The following USP34 variants were observed in gnomAD, a reference collection of about 807,000 sequenced individuals.
USP34 encodes the protein ubiquitin specific peptidase 34.
Under a neutral mutation model 460.3 loss-of-function variants are expected in USP34, and 70 were observed. The ratio of observed to expected loss-of-function variants is 0.15; its 90% confidence interval spans 0.13 to 0.19. USP34 has a LOEUF of 0.19. USP34 is among the 10% of genes least tolerant of loss of function. The pLI is 1.00. For synonymous variants in USP34, 1,647 were observed against 1,405.3 expected, an observed-to-expected ratio of 1.17 and a Z score of -3.85; for missense variants, 3,985 against 4,236.2, an observed-to-expected ratio of 0.94 and a Z score of 1.65.
chr2:61,450,879 G>A (rs1425381190), intron 1 of USP34, among the ~76,000 whole-genome samples: 3 of 123,186 alleles, frequency 2.4e-5, no homozygotes, highest in Non-Finnish European at 3.3e-5. Flanking sequence ...TAGAAACGGA[G>A]GAGATGCAAA....
intron 69 of USP34, among the ~76,000 whole-genome samples, chr2:61,209,238 T>A (rs898121620): frequency 3.9e-5 from 6 of 152,230 alleles, no homozygotes; most frequent in African/African-American, 1.4e-4. Flanking sequence ...TTTTTAAAGT[T>A]TCCACATAAA....
intron 28 of USP34, 72 bp from the exon 29 acceptor site, chr2:61,301,232 A>T: frequency 1.3e-6 from 2 of 1,527,926 alleles, no homozygotes; most frequent in Non-Finnish European, 1.8e-6. Context: ...TCTGAAGTAT[A>T]GAATCACTTA....
At position 61,190,303 on chromosome 2, in the gene USP34, C is replaced by T; in HGVS notation, c.9841G>A (p.Glu3281Lys). The T allele has an allele frequency of 6.2e-7, 1 of 1,613,406 alleles. No homozygotes were observed. Among genetic ancestry groups the T allele is most frequent in the Non-Finnish European group, 8.5e-7 (1 of 1,179,818 alleles). ...NLQSDFSNRV[E>K]ISKASASLNG... ...AAAGAAGCACTTGCTTTGGAAATTT[C>T]AACTCGGTTGGAGAAATCAGACTGT... The change falls in exon 78 of 80, where the codon GAA (glutamate) becomes AAA (lysine). Residue 3281 changes from glutamate (E) to lysine (K), a missense_variant. Coordinates refer to ENST00000398571, the MANE Select transcript of USP34 (RefSeq NM_014709.4).
At position 61,348,351 on chromosome 2, in the gene USP34, C is replaced by G. The variant is rs897161169; in HGVS notation, c.1804G>C (p.Ala602Pro). The G allele has an allele frequency of 1.1e-5, 18 of 1,614,030 alleles. No homozygotes were observed. The highest frequency in any genetic ancestry group is 1.5e-5 in the Non-Finnish European group (18 of 1,180,038). Residue 602 changes from alanine to proline, a missense_variant, in exon 15 of 80, where the codon GCT becomes CCT. Physicochemically the swap from Ala to Pro is conservative, Grantham distance 27 (BLOSUM62 -1). This residue lies in a region of USP34 where 716 missense variants were observed against 626.2 expected (regional missense o/e 1.14). Coordinates refer to ENST00000398571, the MANE Select transcript of USP34 (RefSeq NM_014709.4). ...EVNSSHASQSAGSPGSEVQSE... is the reference protein window; with the variant it reads ...EVNSSHASQSPGSPGSEVQSE... Reference sequence around the variant, plus strand: ...TGTACCTCACTGCCAGGGCTCCCAGCTGACTGGCTTGCGTGGCTAGAATTA... The same window carrying G: ...TGTACCTCACTGCCAGGGCTCCCAGGTGACTGGCTTGCGTGGCTAGAATTA...
chr2:61,305,880 A>G lies in USP34; in HGVS notation c.3818-4426T>C, dbSNP rs181435085. ...CAAATAATAACAGAACAACAATTTT[A>G]AAGTTCTAAAACAGAAGTGTCTGTT... On this transcript the variant is annotated intron_variant, in intron 27 of 79. Transcript: ENST00000398571. 1.3e-4 allele frequency among the ~76,000 whole-genome samples: 20 copies of G among 152,342 alleles called. 1 individual carries two copies. The highest frequency in any genetic ancestry group is 4.8e-4 in the African/African-American group (20 of 41,586).
At chr2:61,194,869 C>T (rs1291683610) in intron 75 of USP34, among the ~76,000 whole-genome samples, 1 of 151,454 alleles carries the variant, frequency 6.6e-6, no homozygotes, top group African/African-American at 2.4e-5. Context: ...AGGAGAATTG[C>T]TTGAACGCGG....
Position 61,394,837 on chromosome 2 carries a change from T to G in USP34, c.753+16A>C. On this transcript the variant is annotated intron_variant, in intron 5 of 79. Transcript: ENST00000398571. Reference sequence around the variant, plus strand: ...CATTGCTCCCAAAATTAAGATCAATTCAAAACAATACTTACATTAGACACA... The same window carrying G: ...CATTGCTCCCAAAATTAAGATCAATGCAAAACAATACTTACATTAGACACA... 1 of 1,517,916 alleles carries G rather than the reference T, an allele frequency of 6.6e-7. No individual in the cohort carries two copies. The highest frequency in any genetic ancestry group is 2.4e-5 in the East Asian group (1 of 41,104). 94.0% of individuals were successfully genotyped at this position (1,517,916 alleles called of 1,614,324 possible).
At chr2:61,448,531 A>G (rs1695182283) in intron 1 of USP34, among the ~76,000 whole-genome samples, 1 of 152,236 alleles carries the variant, frequency 6.6e-6, no homozygotes, top group African/African-American at 2.4e-5. Flanking sequence ...TCCATGGTTG[A>G]CAGATCATAC....
chr2:61,404,038 A>G (rs980100823), intron 3 of USP34, among the ~76,000 whole-genome samples: 1 of 149,884 alleles, frequency 6.7e-6, no homozygotes, highest in East Asian at 2.0e-4. Flanking sequence ...CAGTAAGGAA[A>G]GAAGGACAGA....
At chr2:61,229,043 T>C in intron 59 of USP34, 48 bp from the exon 60 acceptor site, 1 of 1,395,294 alleles carries the variant, frequency 7.2e-7, no homozygotes, top group South Asian at 1.9e-5. Flanking sequence ...GGTCTGGAAA[T>C]ACTGTTCGAG....
At chr2:61,401,706 G>A (rs1693726029) in intron 3 of USP34, among the ~76,000 whole-genome samples, 2 of 147,380 alleles carry the variant, frequency 1.4e-5, no homozygotes, top group East Asian at 4.1e-4. Flanking sequence ...CCGCTACCAC[G>A]CCCTGCTAAT....
chr2:61,358,907 G>C (rs372799179), intron 10 of USP34, among the ~76,000 whole-genome samples: 2 of 152,164 alleles, frequency 1.3e-5, no homozygotes, highest in South Asian at 4.1e-4. Context: ...TCTAACCAAA[G>C]AGGGTAAAGT....
chr2:61,340,997 C>A (rs560497475), intron 16 of USP34, among the ~76,000 whole-genome samples: 59 of 152,162 alleles, frequency 3.9e-4, no homozygotes, highest in African/African-American at 1.4e-3. Flanking sequence ...TACAATCAGT[C>A]CCCACCCTCA....
At chr2:61,236,107 C>A in intron 55 of USP34, 34 bp from the exon 56 acceptor site, 1 of 1,595,310 alleles carries the variant, frequency 6.3e-7, no homozygotes, top group South Asian at 1.2e-5. Context: ...AAGCTTCAAT[C>A]ATTTTAAAGT....
chr2:61,330,450 G>C (rs924750669), intron 20 of USP34, among the ~76,000 whole-genome samples: 4 of 152,132 alleles, frequency 2.6e-5, no homozygotes, highest in African/African-American at 9.7e-5. Flanking sequence ...GATTTGTGCA[G>C]GGAAATAAGT....
In USP34 at chr2:61,283,729, A is replaced by C. The variant is rs1689605073; in HGVS notation, c.4833-280T>G. On this transcript the variant is annotated intron_variant, in intron 35 of 79. Transcript: ENST00000398571. ...CCTTCCAGGCTCAAGCAACCCTCCC[A>C]CCTCAGCCTCCCAATAGCTGGGACT... 2.0e-5 allele frequency among the ~76,000 whole-genome samples: 3 copies of C among 152,088 alleles called. No individual in the cohort carries two copies. The South Asian group carries it at 6.2e-4, about 32-fold the overall frequency.
intron 64 of USP34, 46 bp from the exon 65 acceptor site, chr2:61,222,709 G>A: frequency 6.3e-7 from 1 of 1,574,954 alleles, no homozygotes; most frequent in Middle Eastern, 2.3e-4. Flanking sequence ...GTTTTGTTTT[G>A]TTTTTGAGAC....
intron 1 of USP34, among the ~76,000 whole-genome samples, chr2:61,467,534 T>A (rs562187438): frequency 6.6e-6 from 1 of 151,844 alleles, no homozygotes; most frequent in Non-Finnish European, 1.5e-5. Context: ...ACAATTTTAT[T>A]GCTTCTCTCA....
chr2:61,280,510 G>C (rs1199903055), intron 38 of USP34, among the ~76,000 whole-genome samples, 162 bp from the exon 39 acceptor site: 4 of 151,890 alleles, frequency 2.6e-5, no homozygotes, highest in Non-Finnish European at 5.9e-5. Flanking sequence ...TGTAAAATCA[G>C]AATAACCAGG....
Sources: allele counts gnomAD v4.1 joint callset (sites outside exome capture counted in the v4.1 genomes callset), GRCh38; gene constraint gnomAD v4.1.1; regional missense constraint gnomAD v4.1.1; transcripts MANE v1.5; gene names NCBI Gene and HGNC (gene_info 2026-07-23, HGNC 2026-07-21).